WDR44: variants seen among roughly 807,000 people sequenced by gnomAD.
WDR44 encodes the protein WD repeat domain 44, also known as WD repeat-containing protein 44.
WDR44 carries 9 observed loss-of-function variants against 65.7 expected under a neutral mutation model. That is an observed-to-expected ratio of 0.14 (90% CI 0.08 to 0.24). WDR44 has a LOEUF of 0.24. Among genes scored for constraint, WDR44 ranks in the 10% least tolerant of loss-of-function variants. The pLI, the probability that WDR44 is intolerant of heterozygous loss-of-function variation, is 1.00. For missense variants in WDR44, 425 were observed against 670.9 expected, an observed-to-expected ratio of 0.63 and a Z score of 4.05; for synonymous variants, 220 against 235.2, an observed-to-expected ratio of 0.94 and a Z score of 0.59.
At chrX:118,349,936 C>G (rs1466770731) in intron 1 of WDR44, among the ~76,000 whole-genome samples, 1 of 103,837 alleles carries the variant, frequency 9.6e-6, no homozygotes, top group African/African-American at 3.6e-5. Context: ...ACCAGCTCTT[C>G]AGACTCCTAG....
At chrX:118,420,858 G>A (rs940692570) in intron 12 of WDR44, among the ~76,000 whole-genome samples, 5 of 112,361 alleles carry the variant, frequency 4.4e-5, no homozygotes, top group Non-Finnish European at 9.4e-5. Flanking sequence ...GTACATCATA[G>A]GTACTTTTAT....
At chrX:118,424,321 G>GTGTATATATATATATATATATATATA (rs1205513172) in intron 12 of WDR44, among the ~76,000 whole-genome samples, 1 of 63,466 alleles carries the variant, frequency 1.6e-5, no homozygotes, top group Non-Finnish European at 2.3e-5. Flanking sequence ...ATGTGTGTGT[G>GTGTATATATATATATATATATATATA]TGTATATATA....
intron 14 of WDR44, 133 bp from the exon 15 acceptor site, chrX:118,441,235 A>G: frequency 3.6e-6 from 2 of 552,320 alleles, no homozygotes; most frequent in Non-Finnish European, 5.7e-6. Flanking sequence ...CTAGGATTAT[A>G]GGCGTGAGCC....
intron 1 of WDR44, among the ~76,000 whole-genome samples, chrX:118,358,469 G>T (rs2056482818): frequency 8.9e-6 from 1 of 112,055 alleles, no homozygotes; most frequent in African/African-American, 3.2e-5. Context: ...ATGAGAGGCT[G>T]AGGTGGACGG....
intron 2 of WDR44, 85 bp from the exon 3 acceptor site, chrX:118,387,255 A>G (rs2056779239): frequency 1.8e-6 from 1 of 543,114 alleles, no homozygotes; most frequent in Non-Finnish European, 2.8e-6. Flanking sequence ...TTAATGCTAC[A>G]TTTTCTCATT....
chrX:118,396,820 T>C (rs1405768969), intron 6 of WDR44, 150 bp from the exon 7 acceptor site: 2 of 519,779 alleles, frequency 3.8e-6, no homozygotes, highest in South Asian at 6.3e-5. Flanking sequence ...ATGTGAATTA[T>C]ATCTCAATAA....
chrX:118,427,201 G>A (rs771660945), intron 12 of WDR44, among the ~76,000 whole-genome samples: 313 of 109,577 alleles, frequency 2.9e-3, no homozygotes, highest in Non-Finnish European at 4.7e-3. Flanking sequence ...CAAACTTCTG[G>A]GTTCAAGCAA....
intron 12 of WDR44, among the ~76,000 whole-genome samples, chrX:118,422,133 C>T (rs1383168792): frequency 1.8e-5 from 2 of 111,023 alleles, no homozygotes; most frequent in African/African-American, 3.3e-5. Context: ...GTGGCTCATG[C>T]CTATAATCCC....
chrX:118,416,297 G>A (rs1427296529), intron 12 of WDR44, among the ~76,000 whole-genome samples: 1 of 111,337 alleles, frequency 9.0e-6, no homozygotes, highest in Non-Finnish European at 1.9e-5. Flanking sequence ...TGCTCTTTGA[G>A]TCTTTTTGAT....
rs746881410 is a variant in WDR44 at position 118,361,757 on chromosome X, A to C, written c.77+15177A>C. ...TGGGAAACAGAGACCTTGTCTCAAAAAAAAATAATAACTACACCTAAGCAC... is the reference window on the plus strand; with the variant it reads ...TGGGAAACAGAGACCTTGTCTCAAACAAAAATAATAACTACACCTAAGCAC... On this transcript the variant is annotated intron_variant, in intron 1 of 19. Coordinates refer to ENST00000254029, the MANE Select transcript of WDR44 (RefSeq NM_019045.5). Among the ~76,000 whole-genome samples, 7 of 111,659 alleles carry C rather than the reference A, an allele frequency of 6.3e-5. No homozygotes were observed. In the South Asian group the frequency reaches 2.3e-3, roughly 36 times the overall value.
intron 1 of WDR44, among the ~76,000 whole-genome samples, chrX:118,361,212 G>A (rs968006725): frequency 8.9e-6 from 1 of 111,967 alleles, no homozygotes; most frequent in African/African-American, 3.2e-5. Context: ...TGAGTTCCTA[G>A]TTGTTTAGTT....
intron 14 of WDR44, among the ~76,000 whole-genome samples, chrX:118,439,118 G>T (rs2057281413): frequency 9.1e-6 from 1 of 109,379 alleles, no homozygotes; most frequent in African/African-American, 3.3e-5. Context: ...CTTTTATTTG[G>T]TTTTATTTTG....
chrX:118,444,069 A>T lies in WDR44; in HGVS notation c.2513-291A>T, dbSNP rs142645665. Among the ~76,000 whole-genome samples the T allele has an allele frequency of 4.3e-3, 481 of 111,101 alleles. 4 individuals carry two copies. Among genetic ancestry groups the T allele is most frequent in the Admixed American group, 0.033 (343 of 10,370 alleles). On this transcript the variant is annotated intron_variant, in intron 18 of 19. Transcript: ENST00000254029. Reference sequence around the variant, plus strand: ...TAAAAAAAAGACAAAAAAAAAGAAGAAGTAAATTCATTTAGGCATTATTTT... The same window carrying T: ...TAAAAAAAAGACAAAAAAAAAGAAGTAGTAAATTCATTTAGGCATTATTTT...
At chrX:118,447,180 C>CTT (rs916456971) in intron 19 of WDR44, 14 of 235,255 alleles carry the variant, frequency 6.0e-5, no homozygotes, top group Non-Finnish European at 1.0e-4. Flanking sequence ...GCCTTTTTTT[C>CTT]TTTTCTTTTC....
intron 1 of WDR44, among the ~76,000 whole-genome samples, chrX:118,373,904 TA>T (rs1165468290): frequency 8.9e-6 from 1 of 112,302 alleles, no homozygotes; most frequent in Non-Finnish European, 1.9e-5. Flanking sequence ...AAATGCTTAA[TA>T]AATGATGGCC....
chrX:118,362,218 A>C (rs1347354287), intron 1 of WDR44, among the ~76,000 whole-genome samples: 1 of 112,414 alleles, frequency 8.9e-6, no homozygotes, highest in Non-Finnish European at 1.9e-5. Context: ...TAATATAACG[A>C]ATATTTCTAC....
intron 8 of WDR44, 111 bp from the exon 9 acceptor site, chrX:118,404,227 A>G: frequency 1.9e-6 from 1 of 517,530 alleles, no homozygotes. Context: ...TTTATGTTTA[A>G]AAAAGTTATT....
rs200000594 is a variant in WDR44, at chrX:118,424,299, G to GTA, written c.1738-8470_1738-8469dup. Reference sequence around the variant, plus strand: ...TATATATATGTGTGTGTGTGTATGTGTATATATATATATGTGTGTGTGTGT... The same window carrying GTA: ...TATATATATGTGTGTGTGTGTATGTGTATATATATATATATGTGTGTGTGTGT... On this transcript the variant is annotated intron_variant, in intron 12 of 19. Coordinates refer to ENST00000254029, the MANE Select transcript of WDR44 (RefSeq NM_019045.5). Among the ~76,000 whole-genome samples the GTA allele has an allele frequency of 3.1e-4, 23 of 74,527 alleles. No homozygotes were observed. The South Asian group carries it at 7.8e-3, about 25-fold the overall frequency. 64.7% of individuals were successfully genotyped at this position (74,527 alleles called of 115,157 possible). A position where few individuals can be genotyped will look rare whatever the true frequency, so the allele number is the denominator to read the frequency against.
At chrX:118,441,337 A>G (rs1238461344) in intron 14 of WDR44, 31 bp from the exon 15 acceptor site, 1 of 1,158,306 alleles carries the variant, frequency 8.6e-7, no homozygotes. Flanking sequence ...ATGTGGTAAA[A>G]TGAAAACTTT....
Sources: allele counts gnomAD v4.1 joint callset (sites outside exome capture counted in the v4.1 genomes callset), GRCh38; gene constraint gnomAD v4.1.1; transcripts MANE v1.5; gene names NCBI Gene and HGNC (gene_info 2026-07-23, HGNC 2026-07-21).